The following HS6ST3 variants were observed in gnomAD, a reference collection of about 807,000 sequenced individuals.
HS6ST3 encodes the protein heparan sulfate 6-O-sulfotransferase 3, also known as heparan-sulfate 6-O-sulfotransferase 3.
A neutral mutation model predicts 36.7 loss-of-function variants in HS6ST3; 12 were observed. The ratio of observed to expected loss-of-function variants is 0.33; its 90% CI spans 0.21 to 0.53. The LOEUF (loss-of-function observed/expected upper bound fraction) is 0.53, where lower values mean the gene tolerates loss of function less well. Among genes scored for constraint, HS6ST3 ranks in the 20% least tolerant of loss-of-function variants. The pLI is 0.95. For synonymous variants in HS6ST3, 240 were observed against 257.5 expected (o/e 0.93, Z 0.65); for missense variants, 584 against 640.9 (o/e 0.91, Z 0.96).
In HS6ST3 at chr13:96,838,657, C is replaced by T. The variant is rs1878996515; in HGVS notation, c.*5459C>T. ...CTGGACATAAGCCAATGCCTGCTCT[C>T]TTCTCACCACATTCACCTGGACAAA... On this transcript the variant is annotated 3_prime_UTR_variant, in exon 2 of 2. Transcript: ENST00000376705. The T allele has an allele frequency of 1.3e-5, 2 of 152,210 alleles. No homozygotes were observed. Among genetic ancestry groups the T allele is most frequent in the African/African-American group, 4.8e-5 (2 of 41,440 alleles). 9.4% of individuals were successfully genotyped at this position (152,210 alleles called of 1,614,324 possible).
intron 1 of HS6ST3, among the ~76,000 whole-genome samples, chr13:96,110,084 T>C (rs1594679359): frequency 6.6e-6 from 1 of 152,120 alleles, no homozygotes; most frequent in African/African-American, 2.4e-5. Context: ...TGAGGCTGGG[T>C]AATTTTAAAG....
chr13:96,494,587 A>C (rs923655522), intron 1 of HS6ST3, among the ~76,000 whole-genome samples: 2 of 152,036 alleles, frequency 1.3e-5, no homozygotes, highest in African/African-American at 4.8e-5. Flanking sequence ...AATCACAGCC[A>C]CTAAAGGGAG....
intron 1 of HS6ST3, among the ~76,000 whole-genome samples, chr13:96,824,339 G>A (rs1439627026): frequency 6.6e-6 from 1 of 152,158 alleles, no homozygotes; most frequent in African/African-American, 2.4e-5. Flanking sequence ...GGACACCCTC[G>A]GAACCAATCG....
intron 1 of HS6ST3, among the ~76,000 whole-genome samples, chr13:96,648,483 CT>C (rs10716120): frequency 0.93 from 130,732 of 141,134 alleles, 60,640 homozygotes; most frequent in East Asian, 0.98. Context: ...TTTCCACTTT[CT>C]TTTTTTTTTT....
At chr13:96,512,273 G>A (rs986277253) in intron 1 of HS6ST3, among the ~76,000 whole-genome samples, 7 of 152,068 alleles carry the variant, frequency 4.6e-5, no homozygotes, top group African/African-American at 1.7e-4. Flanking sequence ...GTACCATATT[G>A]TATTTGTTAC....
intron 1 of HS6ST3, among the ~76,000 whole-genome samples, chr13:96,687,995 C>A (rs1254786462): frequency 1.2e-4 from 18 of 150,334 alleles, no homozygotes; most frequent in Admixed American, 5.3e-4. Context: ...CATGTTCTCA[C>A]TCATAGGTGG....
At chr13:96,587,943 A>G (rs2138973398) in intron 1 of HS6ST3, among the ~76,000 whole-genome samples, 2 of 152,292 alleles carry the variant, frequency 1.3e-5, no homozygotes, top group East Asian at 1.9e-4. Flanking sequence ...AATGTTTTAC[A>G]GTTTTCAGTA....
chr13:96,347,339 C>T (rs1858675689), intron 1 of HS6ST3, among the ~76,000 whole-genome samples: 1 of 152,192 alleles, frequency 6.6e-6, no homozygotes, highest in Admixed American at 6.5e-5. Context: ...TTATGGTTGA[C>T]CATTCATCCC....
At chr13:96,564,727 G>T (rs2056274770) in intron 1 of HS6ST3, among the ~76,000 whole-genome samples, 2 of 152,052 alleles carry the variant, frequency 1.3e-5, no homozygotes, top group South Asian at 4.1e-4. Context: ...TTTTAAACAA[G>T]ATATTCCTCA....
chr13:96,256,930 C>G (rs904123083), intron 1 of HS6ST3, among the ~76,000 whole-genome samples: 2 of 152,194 alleles, frequency 1.3e-5, no homozygotes, highest in South Asian at 2.1e-4. Flanking sequence ...CCTAGGCAAC[C>G]AGGGGATATA....
At chr13:96,486,020 C>T (rs1450204178) in intron 1 of HS6ST3, among the ~76,000 whole-genome samples, 1 of 128,400 alleles carries the variant, frequency 7.8e-6, no homozygotes, top group East Asian at 2.7e-4. Flanking sequence ...CCCCCTCCCC[C>T]CACCCCACAA....
intron 1 of HS6ST3, among the ~76,000 whole-genome samples, chr13:96,502,317 A>G (rs182758604): frequency 3.8e-4 from 57 of 148,622 alleles, no homozygotes; most frequent in African/African-American, 1.4e-3. Flanking sequence ...AAGCACCAGC[A>G]TGTTGCTACC....
intron 1 of HS6ST3, among the ~76,000 whole-genome samples, chr13:96,825,141 T>C (rs1322367463): frequency 6.6e-6 from 1 of 152,218 alleles, no homozygotes; most frequent in Non-Finnish European, 1.5e-5. Context: ...TTAATTTTGC[T>C]GCTTTGCTTT....
chr13:96,349,582 A>G (rs2055172261), intron 1 of HS6ST3, among the ~76,000 whole-genome samples: 1 of 152,230 alleles, frequency 6.6e-6, no homozygotes, highest in African/African-American at 2.4e-5. Flanking sequence ...CTGAAAGTGT[A>G]TTAATGGTAT....
At chr13:96,299,186 A>G (rs1023807851) in intron 1 of HS6ST3, among the ~76,000 whole-genome samples, 3 of 152,232 alleles carry the variant, frequency 2.0e-5, no homozygotes, top group Non-Finnish European at 4.4e-5. Flanking sequence ...TTCGCAATCT[A>G]TTGGTTGCAG....
At chr13:96,182,263 A>G (rs987567861) in intron 1 of HS6ST3, among the ~76,000 whole-genome samples, 1 of 152,232 alleles carries the variant, frequency 6.6e-6, no homozygotes, top group Non-Finnish European at 1.5e-5. Flanking sequence ...TGCTAAAATA[A>G]TATTGAACCC....
intron 1 of HS6ST3, among the ~76,000 whole-genome samples, chr13:96,231,708 C>T (rs1000920718): frequency 2.6e-5 from 4 of 152,020 alleles, no homozygotes; most frequent in Admixed American, 6.6e-5. Flanking sequence ...AAGGCCCATG[C>T]GCAAAAGTTT....
chr13:96,706,491 G>T (rs897974235), intron 1 of HS6ST3, among the ~76,000 whole-genome samples: 2 of 146,790 alleles, frequency 1.4e-5, no homozygotes, highest in African/African-American at 5.1e-5. Context: ...TGAGTTACTA[G>T]GTGTGATATT....
At chr13:96,335,100 T>C (rs1594756466) in intron 1 of HS6ST3, among the ~76,000 whole-genome samples, 1 of 151,688 alleles carries the variant, frequency 6.6e-6, no homozygotes, top group African/African-American at 2.4e-5. Context: ...CTTGTTGACA[T>C]GAGGAGGGTG....
Sources: gnomAD v4.1 joint callset for allele counts (sites outside exome capture counted in the v4.1 genomes callset) on GRCh38, gnomAD v4.1.1 for gene constraint, MANE v1.5 for transcripts, NCBI Gene and HGNC (gene_info 2026-07-23, HGNC 2026-07-21) for gene names.